Variants in ERC1 observed in about 807,000 individuals in gnomAD.
ERC1 encodes the protein RAB6 interacting protein 2.
In ERC1, 56 loss-of-function variants were observed where a neutral mutation model predicts 132.0. That is an observed-to-expected ratio of 0.42 (90% CI 0.34 to 0.53). The LOEUF (loss-of-function observed/expected upper bound fraction) is 0.53. ERC1 is among the 20% of genes least tolerant of loss of function. The pLI, the probability that ERC1 is intolerant of heterozygous loss-of-function variation, is 0.03. For missense variants in ERC1, 1,202 were observed against 1,349.9 expected (o/e 0.89, Z 1.72); for synonymous variants, 478 against 476.1 (o/e 1.00, Z -0.05).
At chr12:1,312,577 T>C (rs1380436068) in intron 15 of ERC1, among the ~76,000 whole-genome samples, 2 of 152,200 alleles carry the variant, frequency 1.3e-5, no homozygotes, top group African/African-American at 4.8e-5. Context: ...CAGGCTCGTC[T>C]CAAACTCCTG....
chr12:1,460,449 C>A (rs1213578886), intron 18 of ERC1, among the ~76,000 whole-genome samples: 1 of 152,170 alleles, frequency 6.6e-6, no homozygotes. Context: ...CTGCCAGTTA[C>A]ACCAAGCTCC....
At chr12:1,322,272 A>C (rs1035199706) in intron 15 of ERC1, among the ~76,000 whole-genome samples, 1 of 152,150 alleles carries the variant, frequency 6.6e-6, no homozygotes, top group African/African-American at 2.4e-5. Flanking sequence ...AGTAGATAGT[A>C]GGCTCTCACT....
intron 2 of ERC1, among the ~76,000 whole-genome samples, chr12:1,076,627 T>G (rs573113460): frequency 6.6e-6 from 1 of 152,220 alleles, no homozygotes; most frequent in South Asian, 2.1e-4. Flanking sequence ...ACTCCTGACC[T>G]TGTGATCCGC....
chr12:993,227 CAA>C (rs897163360), intron 1 of ERC1, among the ~76,000 whole-genome samples: 32 of 152,248 alleles, frequency 2.1e-4, no homozygotes, highest in African/African-American at 7.5e-4. Flanking sequence ...AGAAGGAAAA[CAA>C]AATTGACATA....
At chr12:1,182,903 G>C (rs758686072) in intron 10 of ERC1, among the ~76,000 whole-genome samples, 5 of 152,192 alleles carry the variant, frequency 3.3e-5, no homozygotes, top group African/African-American at 4.8e-5. Context: ...CTGGCCTCAA[G>C]TGATCCCCCT....
chr12:1,026,159 A>G (rs1210409705), intron 1 of ERC1, among the ~76,000 whole-genome samples: 3 of 152,188 alleles, frequency 2.0e-5, no homozygotes, highest in Non-Finnish European at 2.9e-5. Context: ...TCATGGCAGA[A>G]GGCGAATGAG....
chr12:1,140,356 T>A (rs1191586965), intron 7 of ERC1, among the ~76,000 whole-genome samples: 3 of 152,276 alleles, frequency 2.0e-5, no homozygotes, highest in Admixed American at 6.5e-5. Context: ...ATCCCTTACC[T>A]AAAATGCACG....
At chr12:1,230,768 T>C (rs2074969359) in intron 12 of ERC1, among the ~76,000 whole-genome samples, 1 of 152,218 alleles carries the variant, frequency 6.6e-6, no homozygotes. Context: ...GCATATATAT[T>C]AATACATTTA....
At chr12:1,266,243 GA>G (rs1310152538) in intron 14 of ERC1, among the ~76,000 whole-genome samples, 3 of 152,080 alleles carry the variant, frequency 2.0e-5, no homozygotes, top group Non-Finnish European at 4.4e-5. Context: ...GCTGTTGCGT[GA>G]AATATTGCAT....
intron 3 of ERC1, among the ~76,000 whole-genome samples, chr12:1,096,878 C>T (rs1255450938): frequency 1.3e-5 from 2 of 152,182 alleles, no homozygotes; most frequent in Non-Finnish European, 2.9e-5. Context: ...TCCCTTCCCT[C>T]TAAAAGTAAC....
intron 2 of ERC1, among the ~76,000 whole-genome samples, chr12:1,030,969 G>T (rs1221313582): frequency 2.0e-5 from 3 of 152,070 alleles, no homozygotes; most frequent in Non-Finnish European, 4.4e-5. Context: ...TGATGAAATC[G>T]CCTTTCTCAG....
chr12:1,121,743 C>A lies in ERC1; in HGVS notation c.1569+5710C>A, dbSNP rs1450642506. 2.7e-3 allele frequency among the ~76,000 whole-genome samples: 15 copies of A among 5,624 alleles called. 2 individuals are homozygous for A. Among genetic ancestry groups the A allele is most frequent in the Non-Finnish European group, 9.6e-3 (14 of 1,464 alleles). 3.7% of individuals were successfully genotyped at this position (5,624 alleles called of 152,430 possible). On this transcript the variant is annotated intron_variant, in intron 7 of 18. Transcript: ENST00000360905. ...TCTCTATCTCTATCTCTATCTCTATCTATCTCTATCTCTATCTCTATCTAT... is the reference window on the plus strand; with the variant it reads ...TCTCTATCTCTATCTCTATCTCTATATATCTCTATCTCTATCTCTATCTAT...
At chr12:1,246,251 G>T (rs1464783405) in intron 13 of ERC1, among the ~76,000 whole-genome samples, 2 of 152,012 alleles carry the variant, frequency 1.3e-5, no homozygotes, top group African/African-American at 4.8e-5. Context: ...TTGCCTATAG[G>T]TGGGAGAGTG....
At chr12:1,450,639 C>T (rs1408380564) in intron 18 of ERC1, among the ~76,000 whole-genome samples, 5 of 152,174 alleles carry the variant, frequency 3.3e-5, no homozygotes, top group Non-Finnish European at 7.3e-5. Context: ...CTGTGCTTTC[C>T]GTTCTTTTGG....
intron 8 of ERC1, among the ~76,000 whole-genome samples, chr12:1,151,003 G>A (rs1430505882): frequency 2.0e-5 from 3 of 152,212 alleles, no homozygotes; most frequent in African/African-American, 7.2e-5. Context: ...AATGTAAGAT[G>A]TTAACAGTGT....
chr12:1,159,509 G>A lies in ERC1; in HGVS notation c.1737+17722G>A, dbSNP rs531441191. On this transcript the variant is annotated intron_variant, in intron 8 of 18. Transcript: ENST00000360905. ...ACCGGCACTGGTCCATGGCCCAGGA[G>A]TTGGGGACCCCTGCCTTAGAGTATT... Among the ~76,000 whole-genome samples the A allele has an allele frequency of 1.3e-3, 199 of 152,310 alleles. 1 individual carries two copies. Among genetic ancestry groups the A allele is most frequent in the African/African-American group, 4.6e-3 (192 of 41,564 alleles).
In ERC1 at chr12:1,083,537, G is replaced by A. The variant is rs1311050280; in HGVS notation, c.1043G>A (p.Ser348Asn). ...GAGATGCACGTTCATCACCTAGAAA[G>A]CCTTTTGGAGCAGAAGGAAAAAGAG... ...EAEMHVHHLE[S>N]LLEQKEKENS... Residue 348 changes from serine to asparagine, a missense_variant, in exon 3 of 19, where the codon AGC becomes AAC. Ser to Asn is a conservative substitution (Grantham distance 46). Transcript: ENST00000360905. The A allele has an allele frequency of 1.2e-6, 2 of 1,609,892 alleles. No individual in the cohort carries two copies. The highest frequency in any genetic ancestry group is 4.5e-5 in the East Asian group (2 of 44,900).
At chr12:1,113,804 C>T (rs970058181) in intron 6 of ERC1, among the ~76,000 whole-genome samples, 6 of 152,154 alleles carry the variant, frequency 3.9e-5, no homozygotes, top group Admixed American at 3.9e-4. Flanking sequence ...ATAAACAGTA[C>T]AGTGGCATTC....
chr12:1,254,845 T>A (rs2154317717), intron 13 of ERC1, among the ~76,000 whole-genome samples: 1 of 152,276 alleles, frequency 6.6e-6, no homozygotes, highest in East Asian at 1.9e-4. Flanking sequence ...GATGTTTGAA[T>A]ACATGTATAC....
Sources: allele counts gnomAD v4.1 joint callset (sites outside exome capture counted in the v4.1 genomes callset), GRCh38; gene constraint gnomAD v4.1.1; transcripts MANE v1.5; gene names NCBI Gene and HGNC (gene_info 2026-07-23, HGNC 2026-07-21).